The following FAM83F variants were observed in gnomAD, a reference collection of about 807,000 sequenced individuals.
FAM83F encodes protein FAM83F.
FAM83F carries 45 observed loss-of-function variants against 42.9 expected under a neutral mutation model. The observed-to-expected ratio is 1.05, with a 90% CI of 0.83 to 1.35. The LOEUF (loss-of-function observed/expected upper bound fraction) is 1.35. FAM83F is among the 40% of genes most tolerant of loss of function. FAM83F has a pLI of 0.00. For synonymous variants in FAM83F, 306 were observed against 298.3 expected (o/e 1.03, Z -0.27); for missense variants, 617 against 695.9 (o/e 0.89, Z 1.28).
At position 40,023,542 on chromosome 22, in the gene FAM83F, C is replaced by T. The variant is rs1601771981; in HGVS notation, c.1453+1579C>T. On this transcript the variant is annotated intron_variant, in intron 4 of 4. Coordinates refer to ENST00000333407, the MANE Select transcript of FAM83F (RefSeq NM_138435.4). The surrounding 1 kb of genome is among the most constrained non-coding windows in gnomAD (Gnocchi z 4.1). Reference sequence around the variant, plus strand: ...GAGTGGAAGCTTTCTCTTCCTTCAGCCCCTCGCCCTGAGATGCAGTTTCCA... The same window carrying T: ...GAGTGGAAGCTTTCTCTTCCTTCAGTCCCTCGCCCTGAGATGCAGTTTCCA... Among the ~76,000 whole-genome samples, 1 of 152,110 alleles carries T rather than the reference C, an allele frequency of 6.6e-6. No homozygotes were observed. Among genetic ancestry groups the T allele is most frequent in the Non-Finnish European group, 1.5e-5 (1 of 67,994 alleles).
chr22:40,032,802 C>T lies in FAM83F; in HGVS notation c.*3237C>T, dbSNP rs180907119. Reference sequence around the variant, plus strand: ...GCCAGGTTGGTCTTGATCTCCTGACCTTGTGATCCGCCCGCCTTGGCCTCC... The same window carrying T: ...GCCAGGTTGGTCTTGATCTCCTGACTTTGTGATCCGCCCGCCTTGGCCTCC... On this transcript the variant is annotated 3_prime_UTR_variant, in exon 5 of 5. Coordinates refer to ENST00000333407, the MANE Select transcript of FAM83F (RefSeq NM_138435.4). 1.4e-4 allele frequency: 22 copies of T among 152,194 alleles called. No homozygotes were observed. Among genetic ancestry groups the T allele is most frequent in the African/African-American group, 5.3e-4 (22 of 41,528 alleles). The allele number at this position is 152,194 out of a possible 1,614,324, so 9.4% of individuals were successfully genotyped here. A position where few individuals can be genotyped will look rare whatever the true frequency, so the allele number is the denominator to read the frequency against.
At chr22:40,003,925 A>G (rs932092706) in intron 1 of FAM83F, among the ~76,000 whole-genome samples, 1 of 152,084 alleles carries the variant, frequency 6.6e-6, no homozygotes. Context: ...ATTTTTCAGC[A>G]GTGAGTCAGG....
At position 40,033,913 on chromosome 22, in the gene FAM83F, G is replaced by A. The variant is rs957210411; in HGVS notation, c.*4348G>A. ...TACCACCTTATATTCCCCATGACAG[G>A]TGTGTTTATGTACACACATCTGCCT... On this transcript the variant is annotated 3_prime_UTR_variant, in exon 5 of 5. Transcript: ENST00000333407. The A allele has an allele frequency of 6.6e-6, 1 of 152,144 alleles. No homozygotes were observed. Among genetic ancestry groups the A allele is most frequent in the African/African-American group, 2.4e-5 (1 of 41,418 alleles). 9.4% of individuals were successfully genotyped at this position (152,144 alleles called of 1,614,324 possible). A position where few individuals can be genotyped will look rare whatever the true frequency, so the allele number is the denominator to read the frequency against.
In FAM83F at chr22:40,021,248, C is replaced by G. The variant is rs939960424; in HGVS notation, c.780-42C>G. The G allele has an allele frequency of 6.6e-7, 1 of 1,513,240 alleles. No homozygotes were observed. Among genetic ancestry groups the G allele is most frequent in the Admixed American group, 2.1e-5 (1 of 48,080 alleles). 93.7% of individuals were successfully genotyped at this position (1,513,240 alleles called of 1,614,324 possible). A position where few individuals can be genotyped will look rare whatever the true frequency, so the allele number is the denominator to read the frequency against. Reference sequence around the variant, plus strand: ...GGGCGGGGGCAGGGCAAGAGAGAGGCCTGGGCACATGTGTCTTGCTTTTCT... The same window carrying G: ...GGGCGGGGGCAGGGCAAGAGAGAGGGCTGGGCACATGTGTCTTGCTTTTCT... On this transcript the variant is annotated intron_variant, in intron 3 of 4. Coordinates refer to ENST00000333407, the MANE Select transcript of FAM83F (RefSeq NM_138435.4). The surrounding 1 kb of genome is among the most constrained non-coding windows in gnomAD (Gnocchi z 8.7).
chr22:40,029,370 G>A, intron 4 of FAM83F, 146 bp from the exon 5 acceptor site: 2 of 1,190,000 alleles, frequency 1.7e-6, no homozygotes, highest in Non-Finnish European at 2.3e-6. Flanking sequence ...CTATTGACTT[G>A]GTTTCCAGAT....
chr22:40,026,316 C>T (rs974978339), intron 4 of FAM83F, among the ~76,000 whole-genome samples: 4 of 152,080 alleles, frequency 2.6e-5, no homozygotes, highest in African/African-American at 4.8e-5. Flanking sequence ...GTCAGGAGAT[C>T]GAGATCATCC....
intron 1 of FAM83F, among the ~76,000 whole-genome samples, chr22:40,013,494 A>G (rs1337654606): frequency 1.3e-5 from 2 of 152,168 alleles, no homozygotes; most frequent in South Asian, 2.1e-4. Context: ...CCATTGGTCT[A>G]TTGGTCAGTT....
chr22:40,024,645 G>A (rs750184812), intron 4 of FAM83F, among the ~76,000 whole-genome samples: 5 of 152,118 alleles, frequency 3.3e-5, no homozygotes, highest in African/African-American at 1.2e-4. Context: ...AGAAGGTGGG[G>A]GAGTGCACCA....
rs1435142854 is a variant in FAM83F at position 40,035,288 on chromosome 22, G to C, written c.*5723G>C. Reference sequence around the variant, plus strand: ...AGCCAGCAAGCGCGTGGGAGCTGGGGGAGGAAAGGAGCAAAAGGCAAGAAC... The same window carrying C: ...AGCCAGCAAGCGCGTGGGAGCTGGGCGAGGAAAGGAGCAAAAGGCAAGAAC... On this transcript the variant is annotated 3_prime_UTR_variant, in exon 5 of 5. Transcript: ENST00000333407. 1 of 152,554 alleles carries C rather than the reference G, an allele frequency of 6.6e-6. No homozygotes were observed. The highest frequency in any genetic ancestry group is 1.9e-4 in the East Asian group (1 of 5,196). 9.5% of individuals were successfully genotyped at this position (152,554 alleles called of 1,614,324 possible).
At position 39,995,457 on chromosome 22, in the gene FAM83F, A is replaced by C; in HGVS notation, c.415A>C (p.Thr139Pro). The C allele has an allele frequency of 6.4e-7, 1 of 1,567,556 alleles. No individual in the cohort carries two copies. The highest frequency in any genetic ancestry group is 8.6e-7 in the Non-Finnish European group (1 of 1,156,132). The change falls in exon 1 of 5, where the codon ACC becomes CCC. Residue 139 changes from threonine (T) to proline (P), a missense_variant. By Grantham distance (38) the Thr-to-Pro change is conservative. Coordinates refer to ENST00000333407, the MANE Select transcript of FAM83F (RefSeq NM_138435.4). This position sits in a 1 kb window ranked among gnomAD's most constrained non-coding sequence, Gnocchi z 4.6. ...CGGCGTGAGCCGGGTCACGCTCTTC[A>C]CCCACCCGCCCAAGGACGAGAAGGC... ...YRGVSRVTLF[T>P]HPPKDEKAPH...
At chr22:40,011,058 T>A (rs1601766422) in intron 1 of FAM83F, among the ~76,000 whole-genome samples, 2 of 152,342 alleles carry the variant, frequency 1.3e-5, no homozygotes, top group South Asian at 4.1e-4. Flanking sequence ...AAAGGCCTCA[T>A]ACTTTACCTT....
chr22:40,017,715 G>A (rs1264725453), intron 1 of FAM83F, among the ~76,000 whole-genome samples: 1 of 152,184 alleles, frequency 6.6e-6, no homozygotes, highest in Non-Finnish European at 1.5e-5. Flanking sequence ...CCGACTTCCT[G>A]GACTGTATAG....
chr22:40,009,882 G>T (rs748388161), intron 1 of FAM83F: 1 of 152,190 alleles, frequency 6.6e-6, no homozygotes, highest in African/African-American at 2.4e-5. Context: ...TGGAAATGCC[G>T]GCAGTTTAAT....
intron 4 of FAM83F, among the ~76,000 whole-genome samples, chr22:40,027,442 T>C (rs748641852): frequency 2.0e-5 from 3 of 152,186 alleles, no homozygotes; most frequent in Non-Finnish European, 4.4e-5. Flanking sequence ...TCCGCTCCGC[T>C]GAGCGGCCCC....
rs529809587 is a variant in FAM83F, at chr22:40,017,012, C to T, written c.490-2156C>T. ...CTGGGCCTGGTAATTTAAAAGGTCT[C>T]TGATTCCTCAGATAAAACTTTTTTT... On this transcript the variant is annotated intron_variant, in intron 1 of 4. Transcript: ENST00000333407. Among the ~76,000 whole-genome samples, 11 of 152,248 alleles carry T rather than the reference C, an allele frequency of 7.2e-5. No homozygotes were observed. In the East Asian group the frequency reaches 2.1e-3, roughly 29 times the overall value.
intron 4 of FAM83F, among the ~76,000 whole-genome samples, chr22:40,029,080 CGTGT>C (rs55770640): frequency 0.26 from 33,509 of 129,986 alleles, 4,228 homozygotes; most frequent in Admixed American, 0.31. Flanking sequence ...CTTGGCTAGA[CGTGT>C]GTGTGTGTGT....
intron 4 of FAM83F, among the ~76,000 whole-genome samples, chr22:40,028,270 A>G (rs1054312840): frequency 6.6e-6 from 1 of 152,226 alleles, no homozygotes; most frequent in Non-Finnish European, 1.5e-5. Context: ...CGTGGGTCAC[A>G]GTGCAGTGGG....
chr22:40,015,758 C>T (rs1463786842), intron 1 of FAM83F, among the ~76,000 whole-genome samples: 1 of 152,224 alleles, frequency 6.6e-6, no homozygotes, highest in Non-Finnish European at 1.5e-5. Context: ...TCCGCTCACC[C>T]ACTCACCCCA....
At chr22:40,014,738 G>A (rs2067485088) in intron 1 of FAM83F, among the ~76,000 whole-genome samples, 1 of 152,078 alleles carries the variant, frequency 6.6e-6, no homozygotes. Context: ...TAAACAGCCG[G>A]TTTTTGATTC....
Sources: allele counts gnomAD v4.1 joint callset (sites outside exome capture counted in the v4.1 genomes callset), GRCh38; gene constraint gnomAD v4.1.1; non-coding constraint Gnocchi (gnomAD v3.1); transcripts MANE v1.5; gene names NCBI Gene and HGNC (gene_info 2026-07-23, HGNC 2026-07-21).